The following ST3GAL6 variants were observed in gnomAD, a reference collection of about 807,000 sequenced individuals.
ST3GAL6 encodes the protein ST3 beta-galactoside alpha-2,3-sialyltransferase 6, also known as type 2 lactosamine alpha-2,3-sialyltransferase.
Under a neutral mutation model 40.5 loss-of-function variants are expected in ST3GAL6, and 31 were observed. That is an observed-to-expected ratio of 0.77 (90% CI 0.58 to 1.03). The LOEUF (loss-of-function observed/expected upper bound fraction) is 1.03, where lower values mean the gene tolerates loss of function less well. Ranked by LOEUF, ST3GAL6 falls within the 50% of genes least tolerant of loss-of-function variation. The pLI is 0.00. For missense variants in ST3GAL6, 357 were observed against 393.2 expected (o/e 0.91, Z 0.78); for synonymous variants, 129 against 136.9 (o/e 0.94, Z 0.40).
chr3:98,779,461 T>C (rs1367690950), intron 5 of ST3GAL6, among the ~76,000 whole-genome samples: 2 of 152,018 alleles, frequency 1.3e-5, no homozygotes, highest in African/African-American at 2.4e-5. Context: ...GAAGGTAGAG[T>C]CATGTATTTT....
intron 3 of ST3GAL6, among the ~76,000 whole-genome samples, chr3:98,771,796 C>T (rs1200645444): frequency 6.6e-6 from 1 of 152,104 alleles, no homozygotes; most frequent in Non-Finnish European, 1.5e-5. Context: ...CAGGGGTGTG[C>T]GTCCAGTGAG....
Position 98,788,189 on chromosome 3 carries a change from G to A in ST3GAL6, c.585G>A (p.Arg195=). The A allele has an allele frequency of 6.2e-7, 1 of 1,612,168 alleles. No individual in the cohort carries two copies. Among genetic ancestry groups the A allele is most frequent in the Non-Finnish European group, 8.5e-7 (1 of 1,179,018 alleles). Residue 195 remains arginine, a synonymous_variant, in exon 7 of 10, where the codon AGG becomes AGA. Coordinates refer to ENST00000483910, the MANE Select transcript of ST3GAL6 (RefSeq NM_001323368.2). ...ILTAFKPHDL[R]WLLELLMGDK... Reference sequence around the variant, plus strand: ...CTGCTTTTAAGCCACATGATTTAAGGTGGCTGTTGGAATTGTTGATGGGTG... The same window carrying A: ...CTGCTTTTAAGCCACATGATTTAAGATGGCTGTTGGAATTGTTGATGGGTG...
intron 5 of ST3GAL6, among the ~76,000 whole-genome samples, chr3:98,780,185 G>A (rs564412980): frequency 6.6e-6 from 1 of 152,140 alleles, no homozygotes; most frequent in Non-Finnish European, 1.5e-5. Flanking sequence ...AATGAGTAAC[G>A]AGGAGTGCGA....
chr3:98,766,538 A>G (rs1938364670), intron 1 of ST3GAL6, among the ~76,000 whole-genome samples: 1 of 147,334 alleles, frequency 6.8e-6, no homozygotes, highest in Admixed American at 7.0e-5. Flanking sequence ...TCTCTGCCTT[A>G]GCCTCCTGAA....
intron 3 of ST3GAL6, chr3:98,771,177 T>G (rs776888227): frequency 9.6e-5 from 141 of 1,467,400 alleles, no homozygotes; most frequent in Non-Finnish European, 1.2e-4. Context: ...CAAACCAGTA[T>G]TCTTTTCACA....
chr3:98,778,445 CAG>C (rs1448161622), intron 5 of ST3GAL6, among the ~76,000 whole-genome samples: 2 of 152,298 alleles, frequency 1.3e-5, no homozygotes, highest in East Asian at 1.9e-4. Context: ...TGCTGTTTTG[CAG>C]AGTTTCTTTA....
In ST3GAL6 at chr3:98,756,349, A is replaced by G. The variant is rs1325691225; in HGVS notation, c.-11-12081A>G. 5.4e-6 allele frequency: 7 copies of G among 1,288,426 alleles called. No homozygotes were observed. In the East Asian group the frequency reaches 2.8e-4, roughly 51 times the overall value. 79.8% of individuals were successfully genotyped at this position (1,288,426 alleles called of 1,614,324 possible). On this transcript the variant is annotated intron_variant, in intron 1 of 9. Coordinates refer to the ST3GAL6 transcript ENST00000265261. ...GCTGAACCATTCTTAGAAACATACT[A>G]TCTTTATGTTTTATTTCAGCATTTG...
chr3:98,781,490 T>C (rs1473478310), intron 5 of ST3GAL6, among the ~76,000 whole-genome samples: 3 of 136,468 alleles, frequency 2.2e-5, no homozygotes, highest in Non-Finnish European at 4.8e-5. Context: ...AAAAAAAAAA[T>C]AGACTGAGCT....
chr3:98,753,318 C>T (rs952962589), intron 1 of ST3GAL6, among the ~76,000 whole-genome samples: 5 of 152,198 alleles, frequency 3.3e-5, no homozygotes, highest in African/African-American at 1.2e-4. Flanking sequence ...CTAAGGGAAC[C>T]TGCAGAAGAA....
At chr3:98,759,880 A>G (rs1937606591), upstream of ST3GAL6, among the ~76,000 whole-genome samples, 1 of 152,218 alleles carries the variant, frequency 6.6e-6, no homozygotes, top group Admixed American at 6.5e-5. Flanking sequence ...ATTTTCCCTC[A>G]AAAATACTGG....
At chr3:98,790,140 T>C (rs1188221563) in intron 8 of ST3GAL6, among the ~76,000 whole-genome samples, 1 of 152,126 alleles carries the variant, frequency 6.6e-6, no homozygotes. Context: ...ATCGTAGAAA[T>C]GAAGCAATAG....
At chr3:98,751,408 C>T (rs1292296998) in intron 1 of ST3GAL6, among the ~76,000 whole-genome samples, 2 of 152,104 alleles carry the variant, frequency 1.3e-5, no homozygotes, top group African/African-American at 4.8e-5. Context: ...GTGAAGACTT[C>T]TCTAATAGTA....
intron 1 of ST3GAL6, among the ~76,000 whole-genome samples, chr3:98,736,016 A>G (rs1935516452): frequency 6.6e-6 from 1 of 152,226 alleles, no homozygotes; most frequent in Non-Finnish European, 1.5e-5. Flanking sequence ...AGGTTATGAA[A>G]GTAAAAGATA....
chr3:98,762,874 G>A (rs1937937202), upstream of ST3GAL6: 7 of 985,224 alleles, frequency 7.1e-6, no homozygotes, highest in Non-Finnish European at 7.2e-6. Flanking sequence ...ATGTGAAAAA[G>A]GGCTTAGTAC....
At chr3:98,756,309 C>T in intron 1 of ST3GAL6, 6 of 1,264,106 alleles carry the variant, frequency 4.7e-6, no homozygotes, top group Non-Finnish European at 5.2e-6. Context: ...AATGACTTTA[C>T]ATTTTTCTGG....
intron 5 of ST3GAL6, among the ~76,000 whole-genome samples, chr3:98,774,432 AT>A (rs547512314): frequency 2.1e-4 from 32 of 152,358 alleles, no homozygotes; most frequent in Non-Finnish European, 4.6e-4. Context: ...TTTAATCAGA[AT>A]TACATTTGAA....
At chr3:98,738,328 C>T (rs1210728410) in intron 1 of ST3GAL6, among the ~76,000 whole-genome samples, 1 of 151,826 alleles carries the variant, frequency 6.6e-6, no homozygotes, top group Non-Finnish European at 1.5e-5. Context: ...AGCTGAAATG[C>T]AGTGGCACAA....
At chr3:98,747,185 A>T (rs1422238632) in intron 1 of ST3GAL6, among the ~76,000 whole-genome samples, 1 of 152,032 alleles carries the variant, frequency 6.6e-6, no homozygotes, top group Non-Finnish European at 1.5e-5. Flanking sequence ...CAATGCGCTC[A>T]TTTTTTCAGC....
At position 98,795,537 on chromosome 3, in the gene ST3GAL6, G is replaced by T. The variant is rs1941536114; in HGVS notation, c.*1776G>T. The T allele has an allele frequency of 6.6e-6, 1 of 152,300 alleles. No homozygotes were observed. The highest frequency in any genetic ancestry group is 2.1e-4 in the South Asian group (1 of 4,818). 9.4% of individuals were successfully genotyped at this position (152,300 alleles called of 1,614,324 possible). On this transcript the variant is annotated 3_prime_UTR_variant, in exon 10 of 10. Transcript: ENST00000483910. Reference sequence around the variant, plus strand: ...TGTGATTTTCCCCTCATACCACACAGCCATAGGCTGCAGTGTGGCTGCTGA... The same window carrying T: ...TGTGATTTTCCCCTCATACCACACATCCATAGGCTGCAGTGTGGCTGCTGA...
Sources: allele counts gnomAD v4.1 joint callset (sites outside exome capture counted in the v4.1 genomes callset), GRCh38; gene constraint gnomAD v4.1.1; transcripts MANE v1.5; gene names NCBI Gene and HGNC (gene_info 2026-07-23, HGNC 2026-07-21).